LMBRD1: variants seen among roughly 807,000 people sequenced by gnomAD.
The protein encoded by LMBRD1 is LMBR1 domain containing 1.
In LMBRD1, 64 loss-of-function variants were observed where a neutral mutation model predicts 74.8. That is an observed-to-expected ratio of 0.86 (90% CI 0.70 to 1.05). The LOEUF (loss-of-function observed/expected upper bound fraction) is 1.05, where lower values mean the gene tolerates loss of function less well. Among genes scored for constraint, LMBRD1 ranks in the 50% least tolerant of loss-of-function variants. LMBRD1 has a pLI of 0.00. For synonymous variants in LMBRD1, 204 were observed against 216.3 expected, an observed-to-expected ratio of 0.94 and a Z score of 0.50; for missense variants, 652 against 645.9, an observed-to-expected ratio of 1.01 and a Z score of -0.10.
chr6:69,769,144 C>T (rs1765527555), intron 3 of LMBRD1, among the ~76,000 whole-genome samples: 2 of 152,214 alleles, frequency 1.3e-5, no homozygotes. Context: ...ATCACACATA[C>T]ATAGGTAAAC....
Position 69,752,276 on chromosome 6 carries a change from C to A in LMBRD1, c.388G>T (p.Asp130Tyr). Residue 130 changes from aspartate to tyrosine, a missense_variant, in exon 4 of 16, where the codon GAT (aspartate) becomes TAT (tyrosine). Coordinates refer to ENST00000649934, the MANE Select transcript of LMBRD1 (RefSeq NM_018368.4). ...ATACTTACAGTACATTTACTAGTATCATCATCATCCTTTTCTTCATAATAG... is the reference window on the plus strand; with the variant it reads ...ATACTTACAGTACATTTACTAGTATAATCATCATCCTTTTCTTCATAATAG... The part of the protein sequence containing the change: ...YFYYEEKDDD[D>Y]TSKCTQIKTA... 1 of 1,609,518 alleles carries A rather than the reference C, an allele frequency of 6.2e-7. No individual in the cohort carries two copies. Among genetic ancestry groups the A allele is most frequent in the South Asian group, 1.1e-5 (1 of 90,920 alleles).
chr6:69,767,365 C>CTA (rs1431425103), intron 3 of LMBRD1, among the ~76,000 whole-genome samples: 1 of 151,602 alleles, frequency 6.6e-6, no homozygotes, highest in African/African-American at 2.4e-5. Flanking sequence ...TCTGCTTGAG[C>CTA]TATATCCCGT....
chr6:69,694,327 A>T (rs1180362341), intron 14 of LMBRD1, among the ~76,000 whole-genome samples: 1 of 152,194 alleles, frequency 6.6e-6, no homozygotes, highest in Admixed American at 6.5e-5. Context: ...TTGACTTCTT[A>T]GTTAAAAACA....
At chr6:69,703,171 G>T (rs1490362607) in intron 9 of LMBRD1, among the ~76,000 whole-genome samples, 1 of 152,040 alleles carries the variant, frequency 6.6e-6, no homozygotes, top group Non-Finnish European at 1.5e-5. Flanking sequence ...AAAAGATTTT[G>T]AAGTGACTCC....
At chr6:69,688,254 G>A (rs1301552670) in intron 14 of LMBRD1, among the ~76,000 whole-genome samples, 1 of 151,924 alleles carries the variant, frequency 6.6e-6, no homozygotes, top group Non-Finnish European at 1.5e-5. Flanking sequence ...AACTTTAATT[G>A]GATAAATCCA....
intron 14 of LMBRD1, among the ~76,000 whole-genome samples, chr6:69,685,736 GGCT>G (rs1562083036): frequency 6.6e-6 from 1 of 152,172 alleles, no homozygotes; most frequent in Non-Finnish European, 1.5e-5. Context: ...GGGAGGCAGA[GGCT>G]GCAGTGAGCC....
At chr6:69,777,049 G>A (rs1582152673) in intron 3 of LMBRD1, among the ~76,000 whole-genome samples, 1 of 152,098 alleles carries the variant, frequency 6.6e-6, no homozygotes, top group Non-Finnish European at 1.5e-5. Flanking sequence ...TCGGGAGGCC[G>A]AGGCAAGAGA....
At chr6:69,737,419 A>G (rs569610679) in intron 7 of LMBRD1, among the ~76,000 whole-genome samples, 3 of 152,090 alleles carry the variant, frequency 2.0e-5, no homozygotes, top group African/African-American at 4.8e-5. Context: ...GAGTATAAGA[A>G]CAGATTTCAT....
intron 5 of LMBRD1, among the ~76,000 whole-genome samples, chr6:69,743,658 T>C (rs1352338794): frequency 1.3e-5 from 2 of 152,234 alleles, no homozygotes; most frequent in African/African-American, 2.4e-5. Context: ...AGCAGGTTCT[T>C]AAATTACTTT....
At chr6:69,678,340 A>G (rs961297899) in intron 14 of LMBRD1, among the ~76,000 whole-genome samples, 1 of 151,982 alleles carries the variant, frequency 6.6e-6, no homozygotes, top group African/African-American at 2.4e-5. Context: ...GATGGGGAAG[A>G]GGAGGGGTTG....
chr6:69,752,527 A>G (rs968492326), intron 3 of LMBRD1, among the ~76,000 whole-genome samples, 171 bp from the exon 4 acceptor site: 5 of 152,128 alleles, frequency 3.3e-5, no homozygotes, highest in African/African-American at 9.7e-5. Context: ...TTTCTGTCCC[A>G]TGTCCCAAGA....
intron 2 of LMBRD1, among the ~76,000 whole-genome samples, chr6:69,790,056 A>G (rs1279175742): frequency 6.6e-6 from 1 of 152,224 alleles, no homozygotes; most frequent in East Asian, 1.9e-4. Context: ...GAGCAGCAAA[A>G]AATATATAAC....
intron 2 of LMBRD1, among the ~76,000 whole-genome samples, chr6:69,783,881 A>G (rs1363914422): frequency 1.3e-5 from 2 of 152,210 alleles, no homozygotes; most frequent in Non-Finnish European, 2.9e-5. Flanking sequence ...TTAAAAATAA[A>G]AAGTCTGAAG....
At chr6:69,703,215 TA>T (rs1227367177) in intron 9 of LMBRD1, among the ~76,000 whole-genome samples, 1 of 152,054 alleles carries the variant, frequency 6.6e-6, no homozygotes, top group Non-Finnish European at 1.5e-5. Flanking sequence ...GTAGAGGGTA[TA>T]AAGGAGTTAT....
At position 69,719,031 on chromosome 6, in the gene LMBRD1, G is replaced by C. The variant is rs745433737; in HGVS notation, c.687C>G (p.Ser229Arg). The change falls in exon 8 of 16, where the codon AGC becomes AGG. Residue 229 changes from serine (S) to arginine (R), a missense_variant. Transcript: ENST00000649934. The stretch of plus-strand genomic sequence containing the variant: ...TGTTTTCCAAACGTTCATAAGCAGC[G>C]CTTCTAGTGCCTTTTATCAGATTTA... ...LPLNLIKGTR[S>R]AAYERLENTE... 1 of 1,612,580 alleles carries C rather than the reference G, an allele frequency of 6.2e-7. No individual in the cohort carries two copies. The highest frequency in any genetic ancestry group is 2.2e-5 in the East Asian group (1 of 44,826).
At chr6:69,790,701 C>T in intron 1 of LMBRD1, 2 of 518,108 alleles carry the variant, frequency 3.9e-6, no homozygotes, top group Non-Finnish European at 7.0e-6. Flanking sequence ...CTATTAATAA[C>T]AGTGCTCAGC....
At chr6:69,763,892 T>C (rs914963263) in intron 3 of LMBRD1, among the ~76,000 whole-genome samples, 9 of 152,258 alleles carry the variant, frequency 5.9e-5, no homozygotes, top group Admixed American at 5.2e-4. Flanking sequence ...CCTATACCTG[T>C]ACTGCCATTA....
At chr6:69,794,912 T>G (rs1158597141) in intron 1 of LMBRD1, among the ~76,000 whole-genome samples, 1 of 152,218 alleles carries the variant, frequency 6.6e-6, no homozygotes. Flanking sequence ...TGGATTTTAA[T>G]GTAACAATGA....
At chr6:69,731,294 A>C (rs934568306) in intron 7 of LMBRD1, among the ~76,000 whole-genome samples, 5 of 152,148 alleles carry the variant, frequency 3.3e-5, no homozygotes, top group African/African-American at 1.2e-4. Flanking sequence ...GTATATTTCC[A>C]AATAGCTAGA....
Sources: gnomAD v4.1 joint callset for allele counts (sites outside exome capture counted in the v4.1 genomes callset) on GRCh38, gnomAD v4.1.1 for gene constraint, MANE v1.5 for transcripts, NCBI Gene and HGNC (gene_info 2026-07-23, HGNC 2026-07-21) for gene names.